Variants in VPS45 observed in about 807,000 individuals in gnomAD.
The protein encoded by VPS45 is vacuolar protein sorting 45 homolog.
VPS45 carries 35 observed loss-of-function variants against 75.9 expected under a neutral mutation model. The observed-to-expected ratio is 0.46, with a 90% CI of 0.35 to 0.61. The LOEUF (loss-of-function observed/expected upper bound fraction) is 0.61. Ranked by LOEUF, VPS45 falls within the 20% of genes least tolerant of loss-of-function variation. The pLI is 0.00. For synonymous variants in VPS45, 220 were observed against 238.2 expected (o/e 0.92, Z 0.70); for missense variants, 559 against 685.9 (o/e 0.81, Z 2.07).
At chr1:150,123,539 T>C (rs74124305) in intron 14 of VPS45, among the ~76,000 whole-genome samples, 3,277 of 152,272 alleles carry the variant, frequency 0.022, 97 homozygotes, top group African/African-American at 0.074. Flanking sequence ...GAGCCATTAT[T>C]GTAGTTGGTT....
At chr1:150,121,316 AT>A (rs1658219486) in intron 14 of VPS45, among the ~76,000 whole-genome samples, 1 of 152,228 alleles carries the variant, frequency 6.6e-6, no homozygotes, top group Non-Finnish European at 1.5e-5. Context: ...GTAGTAACCA[AT>A]TACAGAGACT....
At chr1:150,107,036 C>G (rs922193890) in intron 13 of VPS45, among the ~76,000 whole-genome samples, 35 of 152,118 alleles carry the variant, frequency 2.3e-4, no homozygotes, top group African/African-American at 8.4e-4. Context: ...GATTCTCCTC[C>G]TACCTTTCTG....
Position 150,067,903 on chromosome 1 carries a change from G to A in VPS45, c.46G>A (p.Glu16Lys). The A allele has an allele frequency of 6.2e-7, 1 of 1,614,230 alleles. No individual in the cohort carries two copies. Among genetic ancestry groups the A allele is most frequent in the Non-Finnish European group, 8.5e-7 (1 of 1,180,034 alleles). The change falls in exon 1 of 15, where the codon GAG becomes AAG. Residue 16 changes from glutamate (E) to lysine (K), a missense_variant. Transcript: ENST00000644510. ...AVKQYISKMI[E>K]DSGPGMKVLL... Reference sequence around the variant, plus strand: ...GAAGCAGTACATTTCCAAAATGATAGAGGACAGCGGGCCTGGTATGAAAGT... The same window carrying A: ...GAAGCAGTACATTTCCAAAATGATAAAGGACAGCGGGCCTGGTATGAAAGT...
In VPS45 at chr1:150,144,739, G is replaced by A. The variant is rs1571931928; in HGVS notation, c.1656G>A (p.Leu552=). ...TAGAGGAAGTTCTGGCTTCTGGACTGCACAGCCGAAGCAAGGAGAGCTCTC... is the reference window on the plus strand; with the variant it reads ...TAGAGGAAGTTCTGGCTTCTGGACTACACAGCCGAAGCAAGGAGAGCTCTC... ...SFLEEVLASG[L]HSRSKESSQV... is the part of the protein sequence containing the mutation. The change falls in exon 15 of 15, where the codon CTG becomes CTA. Residue 552 remains leucine, a synonymous_variant. Transcript: ENST00000644510. 2 of 1,614,014 alleles carry A rather than the reference G, an allele frequency of 1.2e-6. No individual in the cohort carries two copies. Among genetic ancestry groups the A allele is most frequent in the African/African-American group, 2.7e-5 (2 of 74,914 alleles).
At chr1:150,129,702 C>T (rs1040486399) in intron 14 of VPS45, among the ~76,000 whole-genome samples, 5 of 151,396 alleles carry the variant, frequency 3.3e-5, no homozygotes, top group African/African-American at 7.3e-5. Context: ...TGGGACTACA[C>T]GCTACCACAC....
intron 2 of VPS45, among the ~76,000 whole-genome samples, chr1:150,071,616 G>A (rs1004512388): frequency 2.0e-5 from 3 of 151,816 alleles, no homozygotes; most frequent in African/African-American, 4.8e-5. Flanking sequence ...GTGAAACCCC[G>A]TCTCTGCTAC....
At chr1:150,127,370 G>GC (rs1658572780) in intron 14 of VPS45, among the ~76,000 whole-genome samples, 1 of 150,784 alleles carries the variant, frequency 6.6e-6, no homozygotes, top group African/African-American at 2.4e-5. Flanking sequence ...AGGCTGGAGT[G>GC]CAGTGGCACA....
chr1:150,067,416 T>C (rs1654778981), upstream of VPS45: 2 of 162,436 alleles, frequency 1.2e-5, no homozygotes, highest in Non-Finnish European at 1.3e-5. Context: ...CTCACTGCCA[T>C]GCAAGAAAGC....
chr1:150,085,090 C>T (rs1655933368), intron 10 of VPS45, among the ~76,000 whole-genome samples: 1 of 152,078 alleles, frequency 6.6e-6, no homozygotes, highest in Admixed American at 6.6e-5. Context: ...ATCTATTTAA[C>T]TTGGCCTTTA....
At chr1:150,104,011 G>A (rs1163449742) in intron 13 of VPS45, among the ~76,000 whole-genome samples, 1 of 152,042 alleles carries the variant, frequency 6.6e-6, no homozygotes, top group African/African-American at 2.4e-5. Context: ...TTTATCTTGA[G>A]CAAATATATA....
chr1:150,068,389 G>A lies in VPS45; in HGVS notation c.94-241G>A, dbSNP rs1325899279. ...AAAAAAATATTTTTGGAAACTTATG[G>A]ATTGTTCCTGTTCAAAGAGACCATG... is the stretch of plus-strand genomic sequence containing the variant. On this transcript the variant is annotated intron_variant, in intron 1 of 14. Transcript: ENST00000644510. 9.8e-6 allele frequency: 4 copies of A among 409,760 alleles called. No homozygotes were observed. The Admixed American group carries it at 1.7e-4, about 17-fold the overall frequency. The allele number at this position is 409,760 out of a possible 1,614,324, so 25.4% of individuals were successfully genotyped here.
chr1:150,076,328 C>G lies in VPS45; in HGVS notation c.369+16C>G. On this transcript the variant is annotated intron_variant, in intron 4 of 14. Coordinates refer to ENST00000644510, the MANE Select transcript of VPS45 (RefSeq NM_007259.5). ...TGAGGTTCAGGTAAACATATTGGTCCTGTAACACATCTCGTATGTTGGCCC... is the reference window on the plus strand; with the variant it reads ...TGAGGTTCAGGTAAACATATTGGTCGTGTAACACATCTCGTATGTTGGCCC... The G allele has an allele frequency of 6.3e-7, 1 of 1,585,954 alleles. No homozygotes were observed. Among genetic ancestry groups the G allele is most frequent in the Non-Finnish European group, 8.6e-7 (1 of 1,162,546 alleles).
At chr1:150,093,402 C>T in intron 12 of VPS45, 125 bp from the exon 13 acceptor site, 1 of 1,076,736 alleles carries the variant, frequency 9.3e-7, no homozygotes, top group East Asian at 2.5e-5. Flanking sequence ...AAATTTCCCA[C>T]AGTTACGTAA....
intron 2 of VPS45, 29 bp from the exon 3 acceptor site, chr1:150,072,137 A>G: frequency 6.3e-7 from 1 of 1,594,242 alleles, no homozygotes; most frequent in African/African-American, 1.3e-5. Context: ...CTCTCCTCAT[A>G]TTTTGTTTGC....
At chr1:150,117,748 A>C (rs888386141) in intron 14 of VPS45, among the ~76,000 whole-genome samples, 5 of 151,400 alleles carry the variant, frequency 3.3e-5, no homozygotes, top group Non-Finnish European at 5.9e-5. Context: ...GGTCTCAGGT[A>C]CTTGGGAGGC....
intron 13 of VPS45, among the ~76,000 whole-genome samples, chr1:150,107,294 G>C (rs1553806003): frequency 6.6e-6 from 1 of 152,144 alleles, no homozygotes; most frequent in Admixed American, 6.6e-5. Flanking sequence ...GCATGTTTTT[G>C]TCTTATGCAC....
chr1:150,121,096 C>T (rs1658211078), intron 14 of VPS45, among the ~76,000 whole-genome samples: 1 of 151,988 alleles, frequency 6.6e-6, no homozygotes, highest in Middle Eastern at 3.4e-3. Context: ...ACCTTGTGAT[C>T]CACCCTTCTC....
intron 10 of VPS45, among the ~76,000 whole-genome samples, chr1:150,083,595 A>G (rs1655843689): frequency 6.6e-6 from 1 of 151,408 alleles, no homozygotes; most frequent in Non-Finnish European, 1.5e-5. Context: ...AAACAGGGAA[A>G]AGGAAGAAAC....
At position 150,138,486 on chromosome 1, in the gene VPS45, AT is replaced by A. The variant is rs1434580408; in HGVS notation, c.1626-6220del. 4.6e-5 allele frequency among the ~76,000 whole-genome samples: 7 copies of A among 152,160 alleles called. No homozygotes were observed. The East Asian group carries it at 1.2e-3, about 25-fold the overall frequency. On this transcript the variant is annotated intron_variant, in intron 14 of 14. Transcript: ENST00000644510. ...GTATGTCTCGACTACTAACTCCCAG[AT>A]TTATATTTCTAGTCCTGAGTTTCAT...
Sources: allele counts gnomAD v4.1 joint callset (sites outside exome capture counted in the v4.1 genomes callset), GRCh38; gene constraint gnomAD v4.1.1; transcripts MANE v1.5; gene names NCBI Gene and HGNC (gene_info 2026-07-23, HGNC 2026-07-21).